The following NALF1 variants were observed in gnomAD, a reference collection of about 807,000 sequenced individuals.
NALF1 encodes NALCN channel auxiliary factor 1.
In NALF1, 3 loss-of-function variants were observed where a neutral mutation model predicts 48.4. That is an observed-to-expected ratio of 0.06 (90% CI 0.03 to 0.16). The LOEUF (loss-of-function observed/expected upper bound fraction) is 0.16, where lower values mean the gene tolerates loss of function less well. Ranked by LOEUF, NALF1 falls within the 10% of genes least tolerant of loss-of-function variation. The pLI is 1.00. For synonymous variants in NALF1, 262 were observed against 245.7 expected (o/e 1.07, Z -0.62); for missense variants, 526 against 571.5 (o/e 0.92, Z 0.81).
intron 1 of NALF1, among the ~76,000 whole-genome samples, chr13:107,607,407 C>T (rs1025838549): frequency 5.3e-5 from 8 of 151,942 alleles, no homozygotes; most frequent in South Asian, 2.1e-4. Flanking sequence ...AGTAATGAAA[C>T]GAATATAGAT....
intron 1 of NALF1, among the ~76,000 whole-genome samples, chr13:107,571,512 T>C (rs1453103568): frequency 6.6e-6 from 1 of 152,120 alleles, no homozygotes; most frequent in Non-Finnish European, 1.5e-5. Flanking sequence ...AGATGGGAGC[T>C]CCGTGCCCCT....
At chr13:107,614,687 T>C (rs535944606) in intron 1 of NALF1, among the ~76,000 whole-genome samples, 32 of 152,270 alleles carry the variant, frequency 2.1e-4, no homozygotes, top group African/African-American at 7.2e-4. Context: ...TTATTTCTAC[T>C]CTGAAATATT....
chr13:107,465,313 T>TTATA (rs56340741), intron 1 of NALF1, among the ~76,000 whole-genome samples: 36 of 149,716 alleles, frequency 2.4e-4, no homozygotes, highest in African/African-American at 2.4e-4. Context: ...AACTGTATAA[T>TTATA]TATATATATA....
At chr13:107,438,304 T>C (rs1884495729) in intron 1 of NALF1, among the ~76,000 whole-genome samples, 1 of 152,206 alleles carries the variant, frequency 6.6e-6, no homozygotes, top group Non-Finnish European at 1.5e-5. Context: ...ATACTATTTA[T>C]TTTGGACAAG....
chr13:107,234,903 A>C (rs2138828849), intron 1 of NALF1, among the ~76,000 whole-genome samples: 1 of 152,260 alleles, frequency 6.6e-6, no homozygotes, highest in South Asian at 2.1e-4. Flanking sequence ...TGATGACATG[A>C]AAATCCTCAT....
chr13:107,836,697 C>T (rs367568078), intron 1 of NALF1, among the ~76,000 whole-genome samples: 181 of 152,294 alleles, frequency 1.2e-3, no homozygotes, highest in African/African-American at 4.2e-3. Flanking sequence ...TGAAAGTCCT[C>T]GCCTGATTTC....
intron 1 of NALF1, among the ~76,000 whole-genome samples, chr13:107,467,196 A>C (rs745447511): frequency 1.7e-4 from 26 of 152,166 alleles, no homozygotes; most frequent in Admixed American, 3.9e-4. Context: ...GAATTTTGAG[A>C]GCAGATTACA....
chr13:107,845,414 G>A (rs563678506), intron 1 of NALF1, among the ~76,000 whole-genome samples: 6 of 152,262 alleles, frequency 3.9e-5, no homozygotes, highest in African/African-American at 1.4e-4. Context: ...GGATGTTGAG[G>A]TGGGCAGGGT....
At chr13:107,736,083 TATC>T (rs1876459005) in intron 1 of NALF1, among the ~76,000 whole-genome samples, 1 of 152,172 alleles carries the variant, frequency 6.6e-6, no homozygotes, top group Non-Finnish European at 1.5e-5. Context: ...GGATCAAAGT[TATC>T]ATGATGTGAC....
At chr13:107,830,140 A>C (rs9555414) in intron 1 of NALF1, among the ~76,000 whole-genome samples, 25,184 of 151,978 alleles carry the variant, frequency 0.17, 2,584 homozygotes, top group East Asian at 0.51. Context: ...TTCCCTTTCT[A>C]CCGCCTCTTG....
At position 107,419,648 on chromosome 13, in the gene NALF1, G is replaced by A. The variant is rs1405572370; in HGVS notation, c.916-208893C>T. Reference sequence around the variant, plus strand: ...TACGATTCTAATAAAATAATTAAGTGGTGCTAAGATTTTAATTTTTTATGT... The same window carrying A: ...TACGATTCTAATAAAATAATTAAGTAGTGCTAAGATTTTAATTTTTTATGT... On this transcript the variant is annotated intron_variant, in intron 1 of 2. Transcript: ENST00000375915. Among the ~76,000 whole-genome samples the A allele has an allele frequency of 3.3e-5, 5 of 152,042 alleles. No individual in the cohort carries two copies. In the East Asian group the frequency reaches 9.6e-4, roughly 29 times the overall value.
In NALF1 at chr13:107,667,053, C is replaced by G. The variant is rs574087669; in HGVS notation, c.915+198629G>C. 2.0e-5 allele frequency among the ~76,000 whole-genome samples: 3 copies of G among 152,098 alleles called. No individual in the cohort carries two copies. In the East Asian group the frequency reaches 5.8e-4, roughly 29 times the overall value. Reference sequence around the variant, plus strand: ...AAGACCCCTCATAGAAACAATTACACTATTTCAAATAATTATACTCGTGCA... The same window carrying G: ...AAGACCCCTCATAGAAACAATTACAGTATTTCAAATAATTATACTCGTGCA... On this transcript the variant is annotated intron_variant, in intron 1 of 2. Coordinates refer to ENST00000375915, the MANE Select transcript of NALF1 (RefSeq NM_001080396.3).
At chr13:107,709,901 A>G (rs1875514284) in intron 1 of NALF1, among the ~76,000 whole-genome samples, 1 of 152,232 alleles carries the variant, frequency 6.6e-6, no homozygotes, top group South Asian at 2.1e-4. Context: ...CAAATATAGA[A>G]TATTTCTAAA....
chr13:107,774,091 C>A (rs1185557430), intron 1 of NALF1, among the ~76,000 whole-genome samples: 3 of 152,056 alleles, frequency 2.0e-5, no homozygotes, highest in Admixed American at 6.6e-5. Context: ...AGAAATTGTA[C>A]TTTTTTATGA....
chr13:107,432,385 C>A (rs1254918788), intron 1 of NALF1, among the ~76,000 whole-genome samples: 1 of 152,140 alleles, frequency 6.6e-6, no homozygotes, highest in Non-Finnish European at 1.5e-5. Flanking sequence ...TCACAAATTT[C>A]TTGGCAAAGT....
chr13:107,554,773 G>A (rs532642516), intron 1 of NALF1, among the ~76,000 whole-genome samples: 10 of 152,170 alleles, frequency 6.6e-5, no homozygotes, highest in East Asian at 5.8e-4. Flanking sequence ...CAAGTTTCTC[G>A]ACCTCTCCAG....
At position 107,432,142 on chromosome 13, in the gene NALF1, G is replaced by A. The variant is rs188208669; in HGVS notation, c.916-221387C>T. Among the ~76,000 whole-genome samples the A allele has an allele frequency of 2.4e-3, 360 of 152,224 alleles. 8 individuals carry two copies. The highest frequency in any genetic ancestry group is 0.018 in the East Asian group (92 of 5,146). On this transcript the variant is annotated intron_variant, in intron 1 of 2. Transcript: ENST00000375915. Reference sequence around the variant, plus strand: ...GCTTTCAAACATGGCAGAAGGTGAAGGGGGAGCAGGCATCTCACTTGGCAG... The same window carrying A: ...GCTTTCAAACATGGCAGAAGGTGAAAGGGGAGCAGGCATCTCACTTGGCAG...
intron 2 of NALF1, among the ~76,000 whole-genome samples, chr13:107,195,001 T>C (rs1879360957): frequency 6.6e-6 from 1 of 152,062 alleles, no homozygotes; most frequent in African/African-American, 2.4e-5. Flanking sequence ...GAAATGCAAA[T>C]TAAAACCACA....
chr13:107,613,754 T>C (rs989581474), intron 1 of NALF1, among the ~76,000 whole-genome samples: 10 of 152,188 alleles, frequency 6.6e-5, no homozygotes, highest in Admixed American at 2.6e-4. Flanking sequence ...ATTCAATAAA[T>C]AGTTGTCAAG....
Sources: allele counts gnomAD v4.1 joint callset (sites outside exome capture counted in the v4.1 genomes callset), GRCh38; gene constraint gnomAD v4.1.1; transcripts MANE v1.5; gene names NCBI Gene and HGNC (gene_info 2026-07-23, HGNC 2026-07-21).